COL14A1: variants seen among roughly 807,000 people sequenced by gnomAD.
The protein encoded by COL14A1 is collagen type XIV alpha 1 chain.
COL14A1 carries 136 observed loss-of-function variants against 230.3 expected under a neutral mutation model. The observed-to-expected ratio is 0.59, with a 90% confidence interval of 0.51 to 0.68. The LOEUF (loss-of-function observed/expected upper bound fraction) is 0.68. Ranked by LOEUF, COL14A1 falls within the 30% of genes least tolerant of loss-of-function variation. COL14A1 has a pLI of 0.00. For synonymous variants in COL14A1, 792 were observed against 784.1 expected, an observed-to-expected ratio of 1.01 and a Z score of -0.17; for missense variants, 1,976 against 2,215.8, an observed-to-expected ratio of 0.89 and a Z score of 2.17.
chr8:120,279,454 A>G (rs562058549), intron 28 of COL14A1, among the ~76,000 whole-genome samples: 1 of 152,040 alleles, frequency 6.6e-6, no homozygotes, highest in Non-Finnish European at 1.5e-5. Context: ...ATTAAATTAC[A>G]TAAGTTATGG....
chr8:120,129,788 G>T (rs1161580247), intron 1 of COL14A1, among the ~76,000 whole-genome samples: 1 of 152,168 alleles, frequency 6.6e-6, no homozygotes, highest in Non-Finnish European at 1.5e-5. Flanking sequence ...AGTGTAAATT[G>T]TTTAGTTCAT....
intron 23 of COL14A1, 107 bp downstream of exon 23, chr8:120,255,463 C>T: frequency 2.3e-6 from 2 of 854,938 alleles, no homozygotes; most frequent in Non-Finnish European, 3.9e-6. Flanking sequence ...GCCCTCTTGT[C>T]AAGGAAGCAA....
chr8:120,334,502 C>T lies in COL14A1; in HGVS notation c.4785+1767C>T, dbSNP rs558159549. Among the ~76,000 whole-genome samples the T allele has an allele frequency of 9.9e-5, 15 of 151,666 alleles. No individual in the cohort carries two copies. The South Asian group carries it at 3.1e-3, about 32-fold the overall frequency. On this transcript the variant is annotated intron_variant, in intron 42 of 47. Coordinates refer to ENST00000297848, the MANE Select transcript of COL14A1 (RefSeq NM_021110.4). Reference sequence around the variant, plus strand: ...TTTCTTTTAATTCAAAAATGTGTTGCAAAGTATGATCCTGCACCTAGAAAC... The same window carrying T: ...TTTCTTTTAATTCAAAAATGTGTTGTAAAGTATGATCCTGCACCTAGAAAC...
At chr8:120,249,093 A>ATTTTT (rs773091250) in intron 21 of COL14A1, among the ~76,000 whole-genome samples, 13 of 127,882 alleles carry the variant, frequency 1.0e-4, no homozygotes, top group African/African-American at 3.9e-4. Context: ...CGCCCGGCTA[A>ATTTTT]TTTTTTTTTT....
At chr8:120,132,168 C>T (rs1814553833) in intron 1 of COL14A1, among the ~76,000 whole-genome samples, 1 of 151,850 alleles carries the variant, frequency 6.6e-6, no homozygotes, top group African/African-American at 2.4e-5. Context: ...AGGTTTTCTT[C>T]TAGGATTTTT....
At chr8:120,260,732 G>A (rs778446361) in intron 23 of COL14A1, among the ~76,000 whole-genome samples, 1 of 152,074 alleles carries the variant, frequency 6.6e-6, no homozygotes, top group African/African-American at 2.4e-5. Flanking sequence ...CTGTGCCTAC[G>A]AGGAAAACAC....
Position 120,231,510 on chromosome 8 carries a change from T to C in COL14A1, c.2241T>C (p.Thr747=). 2 of 1,614,064 alleles carry C rather than the reference T, an allele frequency of 1.2e-6. No individual in the cohort carries two copies. The highest frequency in any genetic ancestry group is 1.7e-6 in the Non-Finnish European group (2 of 1,179,980). Residue 747 remains threonine (T), a synonymous_variant, in exon 19 of 48, where the codon ACT becomes ACC. Transcript: ENST00000297848. ...GAAACCTAGTTGTAGGTGATGAAAC[T>C]ACTTCTAGCCTGCGGGTAAAATGGG... ...GIRNLVVGDE[T]TSSLRVKWDI...
intron 4 of COL14A1, among the ~76,000 whole-genome samples, chr8:120,166,233 C>A (rs867812660): frequency 1.3e-5 from 2 of 152,128 alleles, no homozygotes; most frequent in Non-Finnish European, 2.9e-5. Flanking sequence ...TTGTTTAAGG[C>A]AGATATCTGG....
At chr8:120,246,552 G>A (rs1288726070) in intron 20 of COL14A1, among the ~76,000 whole-genome samples, 16 of 152,128 alleles carry the variant, frequency 1.1e-4, no homozygotes, top group Non-Finnish European at 1.6e-4. Flanking sequence ...TTTACCTAGC[G>A]AGGTAAATAC....
intron 4 of COL14A1, 45 bp from the exon 5 acceptor site, chr8:120,168,116 T>C (rs1181890267): frequency 1.5e-6 from 2 of 1,333,904 alleles, no homozygotes; most frequent in Non-Finnish European, 2.1e-6. Context: ...TATTTTCTTT[T>C]AGATTTTAGT....
intron 2 of COL14A1, among the ~76,000 whole-genome samples, chr8:120,150,954 A>G (rs79597068): frequency 0.044 from 6,655 of 152,182 alleles, 339 homozygotes; most frequent in South Asian, 0.15. Flanking sequence ...ATAGAGTTCA[A>G]TAAGAGTTTA....
At chr8:120,193,046 C>A (rs959010649) in intron 5 of COL14A1, among the ~76,000 whole-genome samples, 1 of 152,188 alleles carries the variant, frequency 6.6e-6, no homozygotes, top group African/African-American at 2.4e-5. Context: ...TCTCTCAACT[C>A]GTCAAAGTCA....
intron 45 of COL14A1, among the ~76,000 whole-genome samples, chr8:120,350,815 T>G (rs1238032054): frequency 1.3e-5 from 2 of 151,452 alleles, no homozygotes; most frequent in Admixed American, 6.6e-5. Flanking sequence ...ACTGTCAACA[T>G]TAGACAGATC....
chr8:120,341,128 G>A (rs1007995185), intron 42 of COL14A1, among the ~76,000 whole-genome samples, 197 bp from the exon 43 acceptor site: 2 of 152,184 alleles, frequency 1.3e-5, no homozygotes, highest in Non-Finnish European at 2.9e-5. Context: ...AGCTGAAAGG[G>A]TAGAATGCTT....
chr8:120,166,923 G>GTGTGTGT (rs1563646891), intron 4 of COL14A1, among the ~76,000 whole-genome samples: 2 of 71,462 alleles, frequency 2.8e-5, no homozygotes, highest in African/African-American at 9.9e-5. Flanking sequence ...TGTGTGTGTG[G>GTGTGTGT]TGGTGATGAT....
At chr8:120,276,224 A>G (rs1045337139) in intron 26 of COL14A1, among the ~76,000 whole-genome samples, 2 of 150,938 alleles carry the variant, frequency 1.3e-5, no homozygotes, top group Non-Finnish European at 2.9e-5. Context: ...AGCAGCTTGA[A>G]TGGAGGCCAT....
intron 34 of COL14A1, among the ~76,000 whole-genome samples, chr8:120,296,872 C>T (rs905099963): frequency 1.3e-5 from 2 of 151,894 alleles, no homozygotes; most frequent in African/African-American, 4.8e-5. Context: ...ATGACATTTG[C>T]CACATTGTGT....
chr8:120,262,167 G>A (rs576186620), intron 23 of COL14A1, among the ~76,000 whole-genome samples: 1 of 152,072 alleles, frequency 6.6e-6, no homozygotes, highest in South Asian at 2.1e-4. Flanking sequence ...TCGAATAAAA[G>A]GGAGTTCAGA....
At chr8:120,350,309 T>G (rs939467929) in intron 45 of COL14A1, among the ~76,000 whole-genome samples, 1 of 149,610 alleles carries the variant, frequency 6.7e-6, no homozygotes, top group Non-Finnish European at 1.5e-5. Context: ...CCATCAAGAC[T>G]AGGAAGAAAC....
Sources: gnomAD v4.1 joint callset for allele counts (sites outside exome capture counted in the v4.1 genomes callset) on GRCh38, gnomAD v4.1.1 for gene constraint, MANE v1.5 for transcripts, NCBI Gene and HGNC (gene_info 2026-07-23, HGNC 2026-07-21) for gene names.